ADAMTS17: variants seen among roughly 807,000 people sequenced by gnomAD.
The protein encoded by ADAMTS17 is ADAM metallopeptidase with thrombospondin type 1 motif 17.
ADAMTS17 carries 113 observed loss-of-function variants against 141.5 expected under a neutral mutation model. The ratio of observed to expected loss-of-function variants is 0.80; its 90% confidence interval spans 0.69 to 0.93. ADAMTS17 has a LOEUF of 0.93. ADAMTS17 is among the 40% of genes least tolerant of loss of function. ADAMTS17 has a pLI of 0.00. For synonymous variants in ADAMTS17, 768 were observed against 630.6 expected (o/e 1.22, Z -3.27); for missense variants, 1,659 against 1,517.9 (o/e 1.09, Z -1.54).
At chr15:100,165,910 T>C (rs1240965822) in intron 8 of ADAMTS17, among the ~76,000 whole-genome samples, 1 of 152,142 alleles carries the variant, frequency 6.6e-6, no homozygotes, top group South Asian at 2.1e-4. Context: ...TTTTCCAGAA[T>C]GGCCTTGGGT....
intron 8 of ADAMTS17, among the ~76,000 whole-genome samples, chr15:100,178,271 T>G (rs1435920280): frequency 6.6e-6 from 1 of 152,180 alleles, no homozygotes; most frequent in Non-Finnish European, 1.5e-5. Flanking sequence ...GAACATCAAT[T>G]AGAGTTTGAT....
At chr15:100,138,333 T>G (rs1056934580) in intron 10 of ADAMTS17, among the ~76,000 whole-genome samples, 2 of 152,170 alleles carry the variant, frequency 1.3e-5, no homozygotes, top group African/African-American at 4.8e-5. Context: ...AACAGAAGAT[T>G]TAAACTGTCA....
chr15:100,169,805 T>G (rs975372370), intron 8 of ADAMTS17, among the ~76,000 whole-genome samples: 33 of 152,196 alleles, frequency 2.2e-4, no homozygotes, highest in Non-Finnish European at 1.0e-4. Context: ...GCACTGGGAC[T>G]CGCCTGCAAC....
intron 4 of ADAMTS17, among the ~76,000 whole-genome samples, chr15:100,271,687 T>C (rs2043918906): frequency 6.6e-6 from 1 of 152,216 alleles, no homozygotes; most frequent in Non-Finnish European, 1.5e-5. Context: ...GGGTTGCCAT[T>C]TTACTTTGTT....
chr15:100,209,675 T>A (rs569819961), intron 7 of ADAMTS17, among the ~76,000 whole-genome samples: 2 of 151,140 alleles, frequency 1.3e-5, no homozygotes, highest in Non-Finnish European at 2.9e-5. Context: ...GCACTAAGAT[T>A]ACAAAGAGGA....
chr15:100,223,676 C>T (rs2042206102), intron 7 of ADAMTS17, among the ~76,000 whole-genome samples: 1 of 150,972 alleles, frequency 6.6e-6, no homozygotes, highest in Non-Finnish European at 1.5e-5. Flanking sequence ...CACAGACACA[C>T]ACACATATAT....
intron 15 of ADAMTS17, among the ~76,000 whole-genome samples, chr15:100,069,327 T>G (rs1223209516): frequency 2.0e-5 from 3 of 152,170 alleles, no homozygotes; most frequent in African/African-American, 7.2e-5. Context: ...CTGCAGGATA[T>G]TATACAGGAG....
chr15:100,007,058 C>T (rs2061050044), intron 18 of ADAMTS17, among the ~76,000 whole-genome samples: 3 of 152,206 alleles, frequency 2.0e-5, no homozygotes, highest in Admixed American at 6.5e-5. Context: ...CCTTCACAAA[C>T]CTCAGGCAAG....
At chr15:100,232,561 T>C (rs1295001170) in intron 7 of ADAMTS17, among the ~76,000 whole-genome samples, 4 of 152,352 alleles carry the variant, frequency 2.6e-5, no homozygotes, top group African/African-American at 9.6e-5. Flanking sequence ...CAATCGGCTA[T>C]TCCCTTCCCC....
chr15:100,122,689 T>C (rs1166501253), intron 12 of ADAMTS17, among the ~76,000 whole-genome samples: 3 of 152,222 alleles, frequency 2.0e-5, no homozygotes, highest in African/African-American at 7.2e-5. Flanking sequence ...TATATTCTTA[T>C]AGTAAAGTCA....
chr15:100,303,648 A>G (rs1373061736), intron 3 of ADAMTS17, among the ~76,000 whole-genome samples: 4 of 152,050 alleles, frequency 2.6e-5, no homozygotes, highest in Admixed American at 6.5e-5. Context: ...TCCATATGTG[A>G]TTATATTTGT....
At chr15:100,139,248 G>C (rs1457884732) in intron 10 of ADAMTS17, among the ~76,000 whole-genome samples, 1 of 152,182 alleles carries the variant, frequency 6.6e-6, no homozygotes, top group South Asian at 2.1e-4. Flanking sequence ...AAAATTATCA[G>C]GGGCGACTTA....
chr15:100,138,840 C>T lies in ADAMTS17; in HGVS notation c.1474-5525G>A, dbSNP rs142396291. Among the ~76,000 whole-genome samples, 79 of 152,306 alleles carry T rather than the reference C, an allele frequency of 5.2e-4. No individual in the cohort carries two copies. The East Asian group carries it at 5.4e-3, about 10-fold the overall frequency. On this transcript the variant is annotated intron_variant, in intron 10 of 21. Coordinates refer to ENST00000268070, the MANE Select transcript of ADAMTS17 (RefSeq NM_139057.4). ...TCTCTGTCTCTTAGGATTACACCCTCGTGTGACCCCCTCCTCTTAAACACG... is the reference window on the plus strand; with the variant it reads ...TCTCTGTCTCTTAGGATTACACCCTTGTGTGACCCCCTCCTCTTAAACACG...
Position 100,060,337 on chromosome 15 carries a change from T to A in ADAMTS17, c.2138-6283A>T, listed in dbSNP as rs533316309. Among the ~76,000 whole-genome samples the A allele has an allele frequency of 1.5e-4, 23 of 152,326 alleles. No individual in the cohort carries two copies. The South Asian group carries it at 4.8e-3, about 32-fold the overall frequency. ...TTTGCCACCAGGGCAGAACAAAACC[T>A]TTGCAATGAGCTGGAGTGTGAGGTT... is the stretch of plus-strand genomic sequence containing the variant. On this transcript the variant is annotated intron_variant, in intron 15 of 21. Coordinates refer to ENST00000268070, the MANE Select transcript of ADAMTS17 (RefSeq NM_139057.4).
intron 15 of ADAMTS17, among the ~76,000 whole-genome samples, chr15:100,095,606 C>G (rs2141014477): frequency 6.6e-6 from 1 of 152,318 alleles, no homozygotes; most frequent in Admixed American, 6.5e-5. Flanking sequence ...TGAGTGCACA[C>G]TCGCTAAGGC....
intron 8 of ADAMTS17, among the ~76,000 whole-genome samples, chr15:100,160,776 G>A (rs1201811710): frequency 6.6e-6 from 1 of 152,132 alleles, no homozygotes; most frequent in Admixed American, 6.5e-5. Flanking sequence ...CTCTAATATA[G>A]ATCACGCTTG....
At chr15:100,042,317 G>T (rs1428075196) in intron 18 of ADAMTS17, among the ~76,000 whole-genome samples, 1 of 152,146 alleles carries the variant, frequency 6.6e-6, no homozygotes. Flanking sequence ...AAATATTTGT[G>T]TGTGTATAAT....
intron 7 of ADAMTS17, among the ~76,000 whole-genome samples, chr15:100,234,153 C>G (rs73478094): frequency 6.6e-6 from 1 of 152,008 alleles, no homozygotes. Context: ...GAGGTCTGAT[C>G]GGGAATATAT....
In ADAMTS17 at chr15:100,314,798, G is replaced by A. The variant is rs560919297; in HGVS notation, c.616+16091C>T. On this transcript the variant is annotated intron_variant, in intron 3 of 21. Coordinates refer to ENST00000268070, the MANE Select transcript of ADAMTS17 (RefSeq NM_139057.4). ...CTGCAGCCAGCCACAAAGACAGGAG[G>A]CTGGGGACAGAGTGGGAGATATGCC... is the stretch of plus-strand genomic sequence containing the variant. 7.2e-5 allele frequency among the ~76,000 whole-genome samples: 11 copies of A among 152,328 alleles called. No homozygotes were observed. The East Asian group carries it at 1.2e-3, about 16-fold the overall frequency.
Sources: allele counts gnomAD v4.1 joint callset (sites outside exome capture counted in the v4.1 genomes callset), GRCh38; gene constraint gnomAD v4.1.1; transcripts MANE v1.5; gene names NCBI Gene and HGNC (gene_info 2026-07-23, HGNC 2026-07-21).